Variants in SPATA21 observed in about 807,000 individuals in gnomAD.
SPATA21 encodes spermatogenesis associated 21, also known as spermatogenesis-associated protein 21.
In SPATA21, 47 loss-of-function variants were observed where a neutral mutation model predicts 54.8. The ratio of observed to expected loss-of-function variants is 0.86; its 90% CI spans 0.68 to 1.09. The LOEUF (loss-of-function observed/expected upper bound fraction) is 1.09. Among genes scored for constraint, SPATA21 ranks in the 50% least tolerant of loss-of-function variants. SPATA21 has a pLI of 0.00. For synonymous variants in SPATA21, 245 were observed against 235.3 expected, an observed-to-expected ratio of 1.04 and a Z score of -0.38; for missense variants, 599 against 596.4, an observed-to-expected ratio of 1.00 and a Z score of -0.05.
Position 16,409,736 on chromosome 1 carries a change from G to C in SPATA21, c.452C>G (p.Pro151Arg). ...WARLPAPGPE[P>R]APMGAPVPTS... ...GGGGACCGGGGCTCCCATGGGGGCAGGTTCTGGCCCAGGAGCTGGCAGCCG... is the reference window on the plus strand; with the variant it reads ...GGGGACCGGGGCTCCCATGGGGGCACGTTCTGGCCCAGGAGCTGGCAGCCG... The change falls in exon 6 of 13, where the codon CCT (proline) becomes CGT (arginine). Residue 151 changes from proline (P) to arginine (R), a missense_variant. By Grantham distance (103) the Pro-to-Arg change is moderately radical (BLOSUM62 -2). Coordinates refer to ENST00000335496, the MANE Select transcript of SPATA21 (RefSeq NM_198546.1). This position sits in a 1 kb window ranked among gnomAD's most constrained non-coding sequence, Gnocchi z 4.1. The C allele has an allele frequency of 6.2e-7, 1 of 1,611,106 alleles. No individual in the cohort carries two copies. The highest frequency in any genetic ancestry group is 8.5e-7 in the Non-Finnish European group (1 of 1,179,088).
intron 2 of SPATA21, among the ~76,000 whole-genome samples, chr1:16,432,473 C>T (rs962790976): frequency 1.3e-5 from 2 of 151,982 alleles, no homozygotes; most frequent in African/African-American, 2.4e-5. Context: ...ACCTCATGTT[C>T]AGCTGTGCCA....
chr1:16,424,170 G>A, intron 3 of SPATA21, among the ~76,000 whole-genome samples: 1 of 136,186 alleles, frequency 7.3e-6, no homozygotes, highest in African/African-American at 2.8e-5. Flanking sequence ...TTACCAGGCT[G>A]GGTGCGGTGG....
chr1:16,418,776 A>C (rs145403760), intron 5 of SPATA21, among the ~76,000 whole-genome samples: 42 of 152,182 alleles, frequency 2.8e-4, no homozygotes, highest in African/African-American at 1.0e-3. Context: ...CCCTGACCTC[A>C]GGTGATCCAC....
At chr1:16,404,479 CAAAA>C (rs540957100) in intron 8 of SPATA21, among the ~76,000 whole-genome samples, 140 of 151,746 alleles carry the variant, frequency 9.2e-4, no homozygotes, top group Admixed American at 2.7e-3. Context: ...CAAAAACAAA[CAAAA>C]AAACAAAACC....
At chr1:16,422,663 G>A (rs1040056699) in intron 3 of SPATA21, among the ~76,000 whole-genome samples, 3 of 151,942 alleles carry the variant, frequency 2.0e-5, no homozygotes, top group African/African-American at 4.8e-5. Context: ...CTGTCACCAC[G>A]CCTGGCTGAT....
chr1:16,422,292 T>A, intron 3 of SPATA21: 1 of 1,169,004 alleles, frequency 8.6e-7, no homozygotes, highest in Non-Finnish European at 1.1e-6. Flanking sequence ...ATTACACACT[T>A]ACTAGGGTCC....
At chr1:16,429,132 G>C (rs536566503) in intron 3 of SPATA21, among the ~76,000 whole-genome samples, 1 of 152,202 alleles carries the variant, frequency 6.6e-6, no homozygotes, top group African/African-American at 2.4e-5. Flanking sequence ...ATACCCAAGG[G>C]CATGTTGACT....
chr1:16,398,551 C>T (rs990471264), downstream of SPATA21: 17 of 579,886 alleles, frequency 2.9e-5, 1 homozygote, highest in East Asian at 1.5e-4. Flanking sequence ...CCCAACCCCG[C>T]GCAGGGCTTT....
In SPATA21 at chr1:16,409,050, C is replaced by A; in HGVS notation, c.673+68G>T. 2 of 1,543,948 alleles carry A rather than the reference C, an allele frequency of 1.3e-6. No individual in the cohort carries two copies. On this transcript the variant is annotated intron_variant, in intron 7 of 12. Transcript: ENST00000335496. This position sits in a 1 kb window ranked among gnomAD's most constrained non-coding sequence, Gnocchi z 4.1. ...CTGGAAAGCACCCCAGTCCGCCCTG[C>A]GCCTATAAACCCCCAAGGACCAAGG... is the stretch of plus-strand genomic sequence containing the variant.
chr1:16,423,251 A>G (rs1455877892), intron 3 of SPATA21, among the ~76,000 whole-genome samples: 1 of 150,928 alleles, frequency 6.6e-6, no homozygotes, highest in Non-Finnish European at 1.5e-5. Flanking sequence ...TGTCTCTACT[A>G]AAAACACAAA....
At chr1:16,417,226 G>C (rs913143795) in intron 5 of SPATA21, among the ~76,000 whole-genome samples, 1 of 151,930 alleles carries the variant, frequency 6.6e-6, no homozygotes, top group African/African-American at 2.4e-5. Context: ...AACTTTCCTT[G>C]TGATGGGTCT....
intron 5 of SPATA21, among the ~76,000 whole-genome samples, chr1:16,416,818 T>A (rs2086021574): frequency 6.6e-6 from 1 of 152,182 alleles, no homozygotes; most frequent in African/African-American, 2.4e-5. Context: ...CAGCAAATCA[T>A]GTCACCTTGA....
Position 16,399,401 on chromosome 1 carries a change from G to A in SPATA21, c.1295C>T (p.Pro432Leu). The change falls in exon 12 of 13, where the codon CCT (proline) becomes CTT (leucine). Residue 432 changes from proline (P) to leucine (L), a missense_variant. By Grantham distance (98) the Pro-to-Leu change is moderately conservative. Coordinates refer to ENST00000335496, the MANE Select transcript of SPATA21 (RefSeq NM_198546.1). ...NHYALDQCTP[P>L]GLDPDIRSPF... ...GCTGCGGATGTCAGGATCCAGGCCA[G>A]GGGGTGTGCACTGGTCTAGTGCATA... is the stretch of plus-strand genomic sequence containing the variant. The A allele has an allele frequency of 6.2e-7, 1 of 1,614,076 alleles. No homozygotes were observed. Among genetic ancestry groups the A allele is most frequent in the Admixed American group, 1.7e-5 (1 of 60,010 alleles).
intron 3 of SPATA21, chr1:16,425,722 C>A (rs2086301319): frequency 6.5e-7 from 1 of 1,548,110 alleles, no homozygotes; most frequent in African/African-American, 1.4e-5. Context: ...CCCAAGAGGG[C>A]TGTTTCTTCC....
chr1:16,436,023 C>T (rs545560397), intron 1 of SPATA21, among the ~76,000 whole-genome samples: 7 of 152,104 alleles, frequency 4.6e-5, no homozygotes, highest in East Asian at 1.9e-4. Context: ...GAGGCTGAGG[C>T]GGGCGGATCA....
downstream of SPATA21, chr1:16,395,940 G>C (rs1453473301): frequency 6.5e-6 from 1 of 152,696 alleles, no homozygotes; most frequent in African/African-American, 2.4e-5. Flanking sequence ...TAGGCTCGGA[G>C]AGCCTGGGGA....
chr1:16,395,832 G>A (rs1347614437), downstream of SPATA21: 1 of 154,140 alleles, frequency 6.5e-6, no homozygotes, highest in Non-Finnish European at 1.4e-5. Flanking sequence ...GCAGGGCTCT[G>A]CAGCCGCCAG....
At position 16,428,982 on chromosome 1, in the gene SPATA21, C is replaced by T. The variant is rs1241811331; in HGVS notation, c.34+2356G>A. Among the ~76,000 whole-genome samples the T allele has an allele frequency of 2.0e-5, 3 of 151,992 alleles. No individual in the cohort carries two copies. Among genetic ancestry groups the T allele is most frequent in the South Asian group, 2.1e-4 (1 of 4,818 alleles). On this transcript the variant is annotated intron_variant, in intron 3 of 12. Coordinates refer to ENST00000335496, the MANE Select transcript of SPATA21 (RefSeq NM_198546.1). The surrounding 1 kb of genome is among the most constrained non-coding windows in gnomAD (Gnocchi z 4.3). ...AAGTGGTGGGACTGGGACCCCATGA[C>T]GGTGCTTGTTGAAAAAATAAATGGG...
At chr1:16,400,534 CAT>C in intron 11 of SPATA21, 184 bp downstream of exon 11, 1 of 1,389,934 alleles carries the variant, frequency 7.2e-7, no homozygotes, top group Non-Finnish European at 9.3e-7. Flanking sequence ...AGGCCATTGT[CAT>C]AGGCCTGGAT....
Sources: allele counts gnomAD v4.1 joint callset (sites outside exome capture counted in the v4.1 genomes callset), GRCh38; gene constraint gnomAD v4.1.1; non-coding constraint Gnocchi (gnomAD v3.1); transcripts MANE v1.5; gene names NCBI Gene and HGNC (gene_info 2026-07-23, HGNC 2026-07-21).